Variants in SHB observed in about 807,000 individuals in gnomAD.
SHB encodes SH2 domain-containing adapter protein B.
A neutral mutation model predicts 52.3 loss-of-function variants in SHB; 20 were observed. That is an observed-to-expected ratio of 0.38 (90% CI 0.27 to 0.56). The LOEUF (loss-of-function observed/expected upper bound fraction) is 0.56, where lower values mean the gene tolerates loss of function less well. SHB is among the 20% of genes least tolerant of loss of function. The pLI is 0.71. For missense variants in SHB, 825 were observed against 723.3 expected (o/e 1.14, Z -1.61); for synonymous variants, 397 against 316.5 (o/e 1.25, Z -2.70).
chr9:37,979,023 C>T (rs540345193), intron 2 of SHB, among the ~76,000 whole-genome samples: 3 of 152,194 alleles, frequency 2.0e-5, no homozygotes, highest in Non-Finnish European at 4.4e-5. Context: ...TCCAGGACAT[C>T]GAAGGCCCTT....
intron 1 of SHB, among the ~76,000 whole-genome samples, chr9:38,060,001 CAG>C (rs1821872219): frequency 6.6e-6 from 1 of 152,262 alleles, no homozygotes; most frequent in East Asian, 1.9e-4. Context: ...ACCATGCCAA[CAG>C]AGGGGACATT....
chr9:37,920,079 C>T, intron 5 of SHB, 75 bp from the exon 6 acceptor site: 1 of 1,225,364 alleles, frequency 8.2e-7, no homozygotes, highest in Non-Finnish European at 1.2e-6. Flanking sequence ...CCTCAGCTGT[C>T]TGGGACAGAA....
At chr9:37,955,041 G>A (rs146548960) in intron 4 of SHB, among the ~76,000 whole-genome samples, 70 of 152,210 alleles carry the variant, frequency 4.6e-4, no homozygotes, top group Middle Eastern at 3.4e-3. Context: ...GGGAAAACCC[G>A]CATCAAGAGT....
chr9:38,003,524 C>T (rs1821044197), intron 2 of SHB, among the ~76,000 whole-genome samples: 1 of 152,162 alleles, frequency 6.6e-6, no homozygotes. Flanking sequence ...GTGGACAGCC[C>T]TCCTGAGGGG....
chr9:37,967,239 C>T (rs1309589499), intron 3 of SHB, among the ~76,000 whole-genome samples: 1 of 152,202 alleles, frequency 6.6e-6, no homozygotes, highest in Non-Finnish European at 1.5e-5. Flanking sequence ...TGGTTCCTCC[C>T]CATCCTTCCT....
chr9:37,969,112 TGAA>T (rs902447492), intron 3 of SHB, among the ~76,000 whole-genome samples: 1 of 133,756 alleles, frequency 7.5e-6, no homozygotes, highest in Non-Finnish European at 1.7e-5. Context: ...GCAAGTGAGA[TGAA>T]GAAATTAGTG....
chr9:37,948,219 G>C (rs1832516488), intron 5 of SHB, among the ~76,000 whole-genome samples: 1 of 151,044 alleles, frequency 6.6e-6, no homozygotes, highest in East Asian at 1.9e-4. Context: ...TCCTGGCCCA[G>C]CCACTTGGGC....
At chr9:38,008,684 G>A (rs115466134) in intron 2 of SHB, among the ~76,000 whole-genome samples, 1,988 of 152,320 alleles carry the variant, frequency 0.013, 43 homozygotes, top group African/African-American at 0.045. Flanking sequence ...GGGGCCAGAA[G>A]CACTGCTCCT....
At chr9:37,982,067 G>A (rs540666180) in intron 2 of SHB, among the ~76,000 whole-genome samples, 2 of 151,428 alleles carry the variant, frequency 1.3e-5, no homozygotes, top group South Asian at 4.2e-4. Flanking sequence ...CTTACTTGAA[G>A]GAAGGTTGCC....
chr9:38,043,109 A>G (rs1288805105), intron 1 of SHB, among the ~76,000 whole-genome samples: 2 of 152,212 alleles, frequency 1.3e-5, no homozygotes, highest in African/African-American at 2.4e-5. Flanking sequence ...GTTCAAGCCC[A>G]GACCAAAACC....
intron 5 of SHB, among the ~76,000 whole-genome samples, chr9:37,921,922 A>G (rs1032054154): frequency 1.3e-5 from 2 of 152,242 alleles, no homozygotes; most frequent in African/African-American, 2.4e-5. Context: ...GAGCTCTCAG[A>G]GCCACATGCC....
chr9:37,930,613 A>G (rs1452349651), intron 5 of SHB, among the ~76,000 whole-genome samples: 4 of 152,224 alleles, frequency 2.6e-5, no homozygotes, highest in Non-Finnish European at 5.9e-5. Flanking sequence ...CCAGCACAGC[A>G]ATGAAGCGGA....
Position 37,918,311 on chromosome 9 carries a change from C to A in SHB, c.*1510G>T, listed in dbSNP as rs1273673589. On this transcript the variant is annotated 3_prime_UTR_variant, in exon 6 of 6. Coordinates refer to ENST00000377707, the MANE Select transcript of SHB (RefSeq NM_003028.3). Reference sequence around the variant, plus strand: ...TGAGAAACTCTTAGCCTCATCGGGGCTGCCTGGCCTGTGTGGGAGGACCCT... The same window carrying A: ...TGAGAAACTCTTAGCCTCATCGGGGATGCCTGGCCTGTGTGGGAGGACCCT... 1.3e-5 allele frequency among the ~76,000 whole-genome samples: 2 copies of A among 152,202 alleles called. No individual in the cohort carries two copies. Among genetic ancestry groups the A allele is most frequent in the Non-Finnish European group, 2.9e-5 (2 of 68,042 alleles).
intron 1 of SHB, among the ~76,000 whole-genome samples, chr9:38,055,441 G>C (rs189956517): frequency 1.3e-5 from 2 of 152,136 alleles, no homozygotes; most frequent in East Asian, 3.9e-4. Flanking sequence ...GGCCGAAAAC[G>C]GTGGGGTGCA....
At chr9:37,985,677 G>A (rs1206477167) in intron 2 of SHB, among the ~76,000 whole-genome samples, 1 of 152,206 alleles carries the variant, frequency 6.6e-6, no homozygotes, top group Non-Finnish European at 1.5e-5. Context: ...ATAGGCAAGT[G>A]GGGTGCCTGT....
intron 2 of SHB, among the ~76,000 whole-genome samples, chr9:38,006,916 G>A (rs1003961167): frequency 6.6e-6 from 1 of 152,108 alleles, no homozygotes; most frequent in East Asian, 1.9e-4. Flanking sequence ...CCTGGCCCTG[G>A]GGACAAGTCT....
At chr9:37,964,301 C>T (rs192611529) in intron 3 of SHB, among the ~76,000 whole-genome samples, 118 of 152,316 alleles carry the variant, frequency 7.7e-4, no homozygotes, top group African/African-American at 2.6e-3. Flanking sequence ...GGTGCCAGGA[C>T]GCTGCCTGGG....
chr9:37,985,182 T>C (rs1242312374), intron 2 of SHB, among the ~76,000 whole-genome samples: 1 of 152,228 alleles, frequency 6.6e-6, no homozygotes, highest in East Asian at 1.9e-4. Context: ...TATGGCTGCC[T>C]GGCTGAACCT....
chr9:37,982,246 G>A (rs144799318), intron 2 of SHB, among the ~76,000 whole-genome samples: 2,078 of 150,956 alleles, frequency 0.014, 19 homozygotes, highest in Middle Eastern at 0.036. Context: ...TACTCCTAGC[G>A]CTTTGGGAGG....
Sources: allele counts gnomAD v4.1 joint callset (sites outside exome capture counted in the v4.1 genomes callset), GRCh38; gene constraint gnomAD v4.1.1; transcripts MANE v1.5; gene names NCBI Gene and HGNC (gene_info 2026-07-23, HGNC 2026-07-21).